PREPL: variants seen among roughly 807,000 people sequenced by gnomAD.
The protein encoded by PREPL is prolyl endopeptidase like.
In PREPL, 77 loss-of-function variants were observed where a neutral mutation model predicts 70.6. The observed-to-expected ratio is 1.09, with a 90% CI of 0.91 to 1.32. The LOEUF (loss-of-function observed/expected upper bound fraction) is 1.32, where lower values mean the gene tolerates loss of function less well. PREPL is among the 40% of genes most tolerant of loss of function. The pLI, the probability that PREPL is intolerant of heterozygous loss-of-function variation, is 0.00. For missense variants in PREPL, 1,002 were observed against 778.2 expected, an observed-to-expected ratio of 1.29 and a Z score of -3.42; for synonymous variants, 315 against 264.8, an observed-to-expected ratio of 1.19 and a Z score of -1.84.
chr2:44,322,915 G>C lies in PREPL; in HGVS notation c.1630-61C>G, dbSNP rs1004904706. On this transcript the variant is annotated intron_variant, in intron 11 of 13. Transcript: ENST00000409411. ...TTTCTTATGGTCCCTTGCCACTATAGAGACTATGAAAAATAATTACCTCCA... is the reference window on the plus strand; with the variant it reads ...TTTCTTATGGTCCCTTGCCACTATACAGACTATGAAAAATAATTACCTCCA... The C allele has an allele frequency of 1.6e-5, 25 of 1,559,666 alleles. No individual in the cohort carries two copies. The South Asian group carries it at 2.9e-4, about 18-fold the overall frequency.
rs767068181 is a variant in PREPL at position 44,326,918 on chromosome 2, C to T, written c.1273G>A (p.Glu425Lys). ...LAYCHVRGGG[E>K]LGLQWHADGR... ...TCAGCGTGCCACTGGAGGCCTAACT[C>T]ACCACCACCTCTGAAATTGAAGGGC... Residue 425 changes from glutamate (E) to lysine (K), a missense_variant, in exon 10 of 14, where the codon GAG (glutamate) becomes AAG (lysine). Physicochemically the swap from Glu to Lys is moderately conservative, Grantham distance 56. Coordinates refer to ENST00000409411, the MANE Select transcript of PREPL (RefSeq NM_001171613.2). 1 of 1,613,948 alleles carries T rather than the reference C, an allele frequency of 6.2e-7. No individual in the cohort carries two copies. Among genetic ancestry groups the T allele is most frequent in the Non-Finnish European group, 8.5e-7 (1 of 1,179,906 alleles).
chr2:44,323,426 A>G lies in PREPL; in HGVS notation c.1480-15T>C, dbSNP rs1673180257. On this transcript the variant is annotated splice_polypyrimidine_tract_variant and intron_variant, in intron 10 of 13. Transcript: ENST00000409411. ...AAGAAAGGTGCCTAAAAAAAAGGCA[A>G]AGAAACTTATACTTCAAGTAAGAGG... 6.4e-7 allele frequency: 1 copy of G among 1,567,718 alleles called. No homozygotes were observed.
chr2:44,360,003 T>C (rs949331582), intron 1 of PREPL: 2 of 336,498 alleles, frequency 5.9e-6, no homozygotes, highest in Non-Finnish European at 1.1e-5. Context: ...AGGCTCAAAC[T>C]ATGCAGCACT....
intron 1 of PREPL, among the ~76,000 whole-genome samples, chr2:44,358,858 T>C (rs1407829146): frequency 1.3e-5 from 2 of 152,160 alleles, no homozygotes; most frequent in African/African-American, 4.8e-5. Context: ...TGGCCTTTAC[T>C]GAAGTTTACT....
intron 1 of PREPL, among the ~76,000 whole-genome samples, chr2:44,346,599 A>G (rs995670273): frequency 8.5e-5 from 13 of 152,194 alleles, no homozygotes; most frequent in African/African-American, 3.1e-4. Context: ...ACAAAGTAAG[A>G]TAGACATTTG....
chr2:44,333,540 C>G (rs1674331198), intron 7 of PREPL, among the ~76,000 whole-genome samples: 1 of 151,882 alleles, frequency 6.6e-6, no homozygotes, highest in South Asian at 2.1e-4. Context: ...AAAAGGGCAG[C>G]CGGGGATTTG....
At chr2:44,326,052 G>T (rs1288310694) in intron 10 of PREPL, among the ~76,000 whole-genome samples, 1 of 152,208 alleles carries the variant, frequency 6.6e-6, no homozygotes, top group Non-Finnish European at 1.5e-5. Flanking sequence ...GCCTGTCAAG[G>T]TGACCAGGAG....
At chr2:44,333,908 T>C (rs1674376781) in intron 7 of PREPL, among the ~76,000 whole-genome samples, 1 of 152,194 alleles carries the variant, frequency 6.6e-6, no homozygotes, top group Non-Finnish European at 1.5e-5. Flanking sequence ...CCTTAGCCCA[T>C]GGAAGCTCAA....
At chr2:44,342,291 T>C (rs1188926308) in intron 5 of PREPL, 126 bp downstream of exon 5, 1 of 809,128 alleles carries the variant, frequency 1.2e-6, no homozygotes, top group African/African-American at 1.7e-5. Flanking sequence ...AATAAAAGAA[T>C]GATCGTTTTA....
intron 10 of PREPL, among the ~76,000 whole-genome samples, chr2:44,324,924 C>A (rs1673344869): frequency 6.6e-6 from 1 of 152,088 alleles, no homozygotes; most frequent in South Asian, 2.1e-4. Flanking sequence ...AAAACAAAAA[C>A]CCCACAAAAA....
chr2:44,343,611 AG>A (rs751155186), intron 4 of PREPL, 133 bp downstream of exon 4: 79 of 705,956 alleles, frequency 1.1e-4, no homozygotes, highest in Non-Finnish European at 1.8e-4. Flanking sequence ...AGAGGTACAT[AG>A]GAAGATGTAT....
chr2:44,329,677 T>A (rs1673892803), intron 8 of PREPL, among the ~76,000 whole-genome samples: 1 of 152,146 alleles, frequency 6.6e-6, no homozygotes, highest in Non-Finnish European at 1.5e-5. Flanking sequence ...TTAAAAAAAA[T>A]TTAAAGTGGT....
intron 5 of PREPL, among the ~76,000 whole-genome samples, chr2:44,339,798 A>G (rs1199639730): frequency 6.6e-6 from 1 of 152,170 alleles, no homozygotes; most frequent in Non-Finnish European, 1.5e-5. Flanking sequence ...TAAACTTTCT[A>G]TAGGAGACAC....
intron 10 of PREPL, 128 bp downstream of exon 10, chr2:44,326,584 C>A: frequency 1.1e-6 from 1 of 937,668 alleles, no homozygotes; most frequent in Non-Finnish European, 1.7e-6. Flanking sequence ...ATCTGCCCAC[C>A]TCAGTTTCCC....
Position 44,339,328 on chromosome 2 carries a change from C to T in PREPL, c.521G>A (p.Arg174His), listed in dbSNP as rs145964404. 14 of 1,613,800 alleles carry T rather than the reference C, an allele frequency of 8.7e-6. No homozygotes were observed. The highest frequency in any genetic ancestry group is 2.2e-5 in the South Asian group (2 of 91,070). ...GTTCATAATATTTATGGTGAGGAAA[C>T]GACTGTCTTTTGTAAGATAAAGGAA... ...FVFLYLTKDS[R>H]FLTINIMNKT... Residue 174 changes from arginine (R) to histidine (H), a missense_variant, in exon 6 of 14, where the codon CGT becomes CAT. Coordinates refer to ENST00000409411, the MANE Select transcript of PREPL (RefSeq NM_001171613.2).
In PREPL at chr2:44,317,701, A is replaced by G. The variant is rs190310981; in HGVS notation, c.*3655T>C. 3 of 152,456 alleles carry G rather than the reference A, an allele frequency of 2.0e-5. No homozygotes were observed. Among genetic ancestry groups the G allele is most frequent in the African/African-American group, 4.8e-5 (2 of 41,462 alleles). 9.4% of individuals were successfully genotyped at this position (152,456 alleles called of 1,614,324 possible). On this transcript the variant is annotated 3_prime_UTR_variant, in exon 14 of 14. Transcript: ENST00000409411. The stretch of plus-strand genomic sequence containing the variant: ...AGAACACTAGACATAAAATATAACA[A>G]TTTTCAAATTTTCAAAGAATACTAG...
rs748890116 is a variant in PREPL at position 44,318,361 on chromosome 2, G to A, written c.*2995C>T. ...TCTGCCTTGCCTCCCAAAGTGCTAG[G>A]ATTACGGGCCTGAGCCACCTTGCCT... On this transcript the variant is annotated 3_prime_UTR_variant, in exon 14 of 14. Transcript: ENST00000409411. 56 of 192,718 alleles carry A rather than the reference G, an allele frequency of 2.9e-4. No homozygotes were observed. The highest frequency in any genetic ancestry group is 5.0e-4 in the Non-Finnish European group (45 of 90,812). 11.9% of individuals were successfully genotyped at this position (192,718 alleles called of 1,614,324 possible).
At chr2:44,345,627 C>T (rs534897906) in intron 2 of PREPL, among the ~76,000 whole-genome samples, 18 of 152,230 alleles carry the variant, frequency 1.2e-4, no homozygotes, top group Non-Finnish European at 2.4e-4. Context: ...GGATTACAGG[C>T]GTGAGCCACT....
At chr2:44,355,778 T>TATATAC (rs1553363720) in intron 1 of PREPL, among the ~76,000 whole-genome samples, 5 of 46,570 alleles carry the variant, frequency 1.1e-4, no homozygotes, top group East Asian at 8.2e-4. Flanking sequence ...TATATATATA[T>TATATAC]ACACACACAC....
Sources: gnomAD v4.1 joint callset for allele counts (sites outside exome capture counted in the v4.1 genomes callset) on GRCh38, gnomAD v4.1.1 for gene constraint, MANE v1.5 for transcripts, NCBI Gene and HGNC (gene_info 2026-07-23, HGNC 2026-07-21) for gene names.